Variants in RPH3A observed in about 807,000 individuals in gnomAD.
RPH3A encodes rabphilin 3A.
A neutral mutation model predicts 102.2 loss-of-function variants in RPH3A; 48 were observed. That is an observed-to-expected ratio of 0.47 (90% CI 0.37 to 0.60). RPH3A has a LOEUF of 0.60. Ranked by LOEUF, RPH3A falls within the 20% of genes least tolerant of loss-of-function variation. The probability of loss-of-function intolerance (pLI) is 0.00; values close to 1 mark genes in which losing one functional copy is unlikely to be tolerated. For missense variants in RPH3A, 781 were observed against 910.1 expected, an observed-to-expected ratio of 0.86 and a Z score of 1.83; for synonymous variants, 310 against 324.3, an observed-to-expected ratio of 0.96 and a Z score of 0.47.
chr12:112,896,250 G>C (rs1177308256), intron 21 of RPH3A, among the ~76,000 whole-genome samples: 2 of 152,162 alleles, frequency 1.3e-5, no homozygotes, highest in Non-Finnish European at 2.9e-5. Context: ...GATGAAGCAG[G>C]GGGGTGGGGA....
intron 1 of RPH3A, among the ~76,000 whole-genome samples, chr12:112,727,493 A>AC (rs759135458): frequency 0.092 from 3,815 of 41,534 alleles, 502 homozygotes; most frequent in Non-Finnish European, 0.13. Flanking sequence ...ACACACACAG[A>AC]CCCCCCCCCC....
intron 1 of RPH3A, among the ~76,000 whole-genome samples, chr12:112,579,469 A>T (rs2039381665): frequency 6.6e-6 from 1 of 152,022 alleles, no homozygotes; most frequent in South Asian, 2.1e-4. Context: ...TCTCTTCTCA[A>T]ATTCCCACCA....
chr12:112,637,619 A>C (rs2039857674), intron 1 of RPH3A, among the ~76,000 whole-genome samples: 1 of 152,202 alleles, frequency 6.6e-6, no homozygotes, highest in South Asian at 2.1e-4. Flanking sequence ...AATAAAATGC[A>C]ATGAAGGAGT....
chr12:112,718,432 A>G (rs949955951), intron 1 of RPH3A, among the ~76,000 whole-genome samples: 5 of 152,314 alleles, frequency 3.3e-5, no homozygotes, highest in African/African-American at 1.2e-4. Context: ...TCTAAAGTCT[A>G]TAACAATGAT....
At position 112,631,401 on chromosome 12, in the gene RPH3A, C is replaced by T. The variant is rs114477342; in HGVS notation, c.-140+56082C>T. ...TGGATGCCCTCTTTGGAACTAGCTG[C>T]AACGGAGTTTCTGTTTTTCAATGGG... On this transcript the variant is annotated intron_variant, in intron 1 of 21. Transcript: ENST00000543106. Among the ~76,000 whole-genome samples, 130 of 152,228 alleles carry T rather than the reference C, an allele frequency of 8.5e-4. 1 individual carries two copies. The highest frequency in any genetic ancestry group is 2.9e-3 in the African/African-American group (119 of 41,544).
At chr12:112,801,922 A>G (rs564379292) in intron 2 of RPH3A, among the ~76,000 whole-genome samples, 24 of 152,276 alleles carry the variant, frequency 1.6e-4, no homozygotes, top group African/African-American at 5.8e-4. Context: ...ACTCAGCAGT[A>G]TGTTTTTAAG....
chr12:112,677,357 C>T (rs1184337667), intron 1 of RPH3A, among the ~76,000 whole-genome samples: 8 of 42,428 alleles, frequency 1.9e-4, no homozygotes, highest in Non-Finnish European at 3.4e-4. Context: ...CTTCCTCCCT[C>T]CCTCCCTCCC....
At chr12:112,663,235 G>A (rs1283524436) in intron 1 of RPH3A, among the ~76,000 whole-genome samples, 1 of 151,988 alleles carries the variant, frequency 6.6e-6, no homozygotes, top group Non-Finnish European at 1.5e-5. Flanking sequence ...GTGGGGACAG[G>A]ATCTCACTTT....
chr12:112,869,799 T>C lies in RPH3A; in HGVS notation c.649+2T>C. The C allele has an allele frequency of 6.2e-7, 1 of 1,614,028 alleles. No homozygotes were observed. The highest frequency in any genetic ancestry group is 8.5e-7 in the Non-Finnish European group (1 of 1,179,970). ...GGAGGGGCCCGGGTCAGAAGACAGG[T>C]GGGTTCTGCTGACTCTGTTTTGTCA... On this transcript the variant is annotated splice_donor_variant, in intron 9 of 21. Coordinates refer to ENST00000389385, the MANE Select transcript of RPH3A (RefSeq NM_001143854.2). LOFTEE classifies it high-confidence loss of function.
intron 1 of RPH3A, among the ~76,000 whole-genome samples, chr12:112,754,163 T>C (rs78505041): frequency 1.3e-5 from 2 of 152,334 alleles, no homozygotes; most frequent in Admixed American, 6.5e-5. Flanking sequence ...TAATTTGTTA[T>C]AGCAGAAGTA....
chr12:112,800,078 G>A (rs2041312806), intron 2 of RPH3A, among the ~76,000 whole-genome samples: 1 of 152,150 alleles, frequency 6.6e-6, no homozygotes, highest in African/African-American at 2.4e-5. Context: ...CCAGTGGGTG[G>A]CAAAACCAAT....
At chr12:112,713,051 CCTTCTTCTT>C (rs397958107) in intron 1 of RPH3A, among the ~76,000 whole-genome samples, 6,785 of 85,556 alleles carry the variant, frequency 0.079, 308 homozygotes, top group South Asian at 0.13. Flanking sequence ...TTCTTCTTCT[CCTTCTTCTT>C]CTTCTTCTTC....
intron 1 of RPH3A, among the ~76,000 whole-genome samples, chr12:112,586,974 G>A (rs2039443940): frequency 6.6e-6 from 1 of 152,198 alleles, no homozygotes; most frequent in African/African-American, 2.4e-5. Flanking sequence ...CCACTTGCTA[G>A]TTGTCTCTTC....
chr12:112,831,711 T>C (rs1198019700), intron 3 of RPH3A: 1 of 454,026 alleles, frequency 2.2e-6, no homozygotes, highest in Non-Finnish European at 4.4e-6. Flanking sequence ...ACTGTGTGTA[T>C]CTTAAAACAT....
At chr12:112,894,455 C>T in intron 19 of RPH3A, 123 bp from the exon 20 acceptor site, 1 of 849,750 alleles carries the variant, frequency 1.2e-6, no homozygotes, top group Admixed American at 2.6e-5. Context: ...TGGTCATTAT[C>T]AATGTTGATC....
In RPH3A at chr12:112,868,602, C is replaced by T. The variant is rs994671930; in HGVS notation, c.610+7C>T. ...GCCCGGGCTCCAGCTCGAGGTAGGA[C>T]AAAACAGGTGCTTCTTTCAGGACCA... is the stretch of plus-strand genomic sequence containing the variant. On this transcript the variant is annotated splice_region_variant and intron_variant, in intron 8 of 21. Coordinates refer to ENST00000389385, the MANE Select transcript of RPH3A (RefSeq NM_001143854.2). 90 of 1,612,378 alleles carry T rather than the reference C, an allele frequency of 5.6e-5. 1 individual carries two copies. Among genetic ancestry groups the T allele is most frequent in the Non-Finnish European group, 7.5e-5 (89 of 1,179,162 alleles).
chr12:112,825,649 T>G (rs2041855774), intron 2 of RPH3A, among the ~76,000 whole-genome samples: 1 of 152,138 alleles, frequency 6.6e-6, no homozygotes, highest in Admixed American at 6.5e-5. Context: ...CTTTCACACA[T>G]TCAGCAAATT....
chr12:112,689,883 G>GT (rs1169266406), intron 1 of RPH3A, among the ~76,000 whole-genome samples: 1 of 152,184 alleles, frequency 6.6e-6, no homozygotes, highest in Non-Finnish European at 1.5e-5. Context: ...TCAAAAATCT[G>GT]TTTTTTGGGT....
intron 1 of RPH3A, among the ~76,000 whole-genome samples, chr12:112,668,658 G>T (rs1258825991): frequency 2.0e-5 from 3 of 152,142 alleles, no homozygotes; most frequent in Admixed American, 6.5e-5. Context: ...AGGCCTGTCG[G>T]GTGGTGGGGG....
Sources: gnomAD v4.1 joint callset for allele counts (sites outside exome capture counted in the v4.1 genomes callset) on GRCh38, gnomAD v4.1.1 for gene constraint, MANE v1.5 for transcripts, NCBI Gene and HGNC (gene_info 2026-07-23, HGNC 2026-07-21) for gene names.